The following IL31RA variants were observed in gnomAD, a reference collection of about 807,000 sequenced individuals.
The protein encoded by IL31RA is interleukin 31 receptor A.
A neutral mutation model predicts 83.7 loss-of-function variants in IL31RA; 66 were observed. The ratio of observed to expected loss-of-function variants is 0.79; its 90% CI spans 0.65 to 0.97. The LOEUF (loss-of-function observed/expected upper bound fraction) is 0.97. IL31RA is among the 50% of genes least tolerant of loss of function. The probability of loss-of-function intolerance (pLI) is 0.00; values close to 1 mark genes in which losing one functional copy is unlikely to be tolerated. For missense variants in IL31RA, 798 were observed against 919.4 expected, an observed-to-expected ratio of 0.87 and a Z score of 1.71; for synonymous variants, 325 against 329.0, an observed-to-expected ratio of 0.99 and a Z score of 0.13.
At chr5:55,884,713 G>A (rs1401011841) in intron 5 of IL31RA, among the ~76,000 whole-genome samples, 1 of 152,200 alleles carries the variant, frequency 6.6e-6, no homozygotes, top group Non-Finnish European at 1.5e-5. Flanking sequence ...GAGCCATCAT[G>A]AGCAGACACA....
intron 3 of IL31RA, among the ~76,000 whole-genome samples, chr5:55,871,330 C>T (rs1389724926): frequency 6.6e-6 from 1 of 152,168 alleles, no homozygotes; most frequent in South Asian, 2.1e-4. Flanking sequence ...TCTATGTCTC[C>T]CTGTATGTAT....
At chr5:55,887,714 G>A (rs112719055) in intron 5 of IL31RA, among the ~76,000 whole-genome samples, 11,734 of 151,996 alleles carry the variant, frequency 0.077, 774 homozygotes, top group African/African-American at 0.18. Flanking sequence ...GTGAAACCCC[G>A]TCCCTCTAAA....
At chr5:55,868,278 G>A (rs1266953822) in intron 2 of IL31RA, among the ~76,000 whole-genome samples, 1 of 152,148 alleles carries the variant, frequency 6.6e-6, no homozygotes, top group Non-Finnish European at 1.5e-5. Flanking sequence ...GCTATGGGGT[G>A]GGGAGCTCTC....
chr5:55,890,230 C>T, intron 6 of IL31RA, 95 bp downstream of exon 6: 1 of 1,236,400 alleles, frequency 8.1e-7, no homozygotes, highest in Non-Finnish European at 1.2e-6. Context: ...GGTTGGGAAT[C>T]ATGGAATCTC....
intron 5 of IL31RA, 130 bp downstream of exon 5, chr5:55,883,325 C>A: frequency 1.2e-6 from 1 of 867,090 alleles, no homozygotes; most frequent in Non-Finnish European, 1.8e-6. Context: ...TTGCTAAGTA[C>A]TTCTCCTTCC....
At chr5:55,874,126 T>C (rs1361638879) in intron 4 of IL31RA, among the ~76,000 whole-genome samples, 1 of 152,106 alleles carries the variant, frequency 6.6e-6, no homozygotes, top group Non-Finnish European at 1.5e-5. Flanking sequence ...TATCTCAGAA[T>C]CATTTGTTGA....
intron 5 of IL31RA, among the ~76,000 whole-genome samples, chr5:55,889,128 T>G (rs1340725502): frequency 6.6e-6 from 1 of 152,210 alleles, no homozygotes; most frequent in Non-Finnish European, 1.5e-5. Flanking sequence ...AACTTTAGGT[T>G]TATAAAGCTA....
chr5:55,897,105 C>T (rs1748451695), intron 7 of IL31RA, among the ~76,000 whole-genome samples: 1 of 133,188 alleles, frequency 7.5e-6, no homozygotes, highest in African/African-American at 2.8e-5. Flanking sequence ...CCACCTTAGC[C>T]TCCCAAAGCA....
intron 8 of IL31RA, among the ~76,000 whole-genome samples, chr5:55,904,209 G>A (rs760268321): frequency 6.6e-6 from 1 of 152,176 alleles, no homozygotes; most frequent in African/African-American, 2.4e-5. Context: ...CCTGTAACAG[G>A]TACAATCTGA....
At chr5:55,906,510 A>G (rs1749169529) in intron 9 of IL31RA, among the ~76,000 whole-genome samples, 1 of 152,196 alleles carries the variant, frequency 6.6e-6, no homozygotes. Flanking sequence ...ATCGATCTCC[A>G]GGTGGAAAAC....
chr5:55,883,046 A>G lies in IL31RA; in HGVS notation c.457A>G (p.Lys153Glu), dbSNP rs1747345065. The stretch of plus-strand genomic sequence containing the variant: ...AGTTGTATGATTTTTATTTTCAGCG[A>G]AAACTGAACCACCTAAGATTTTCCG... ...MTYWRLENIA[K>E]TEPPKIFRVK... Residue 153 changes from lysine to glutamate, a missense_variant and splice_region_variant, in exon 5 of 15, where the codon AAA becomes GAA. Coordinates refer to ENST00000652347, the MANE Select transcript of IL31RA (RefSeq NM_139017.7). The G allele has an allele frequency of 1.2e-6, 2 of 1,613,858 alleles. No individual in the cohort carries two copies. The highest frequency in any genetic ancestry group is 2.7e-5 in the African/African-American group (2 of 74,934).
At chr5:55,897,015 A>ATATATT (rs1413221761) in intron 7 of IL31RA, among the ~76,000 whole-genome samples, 1 of 842 alleles carries the variant, frequency 1.2e-3, no homozygotes, top group Admixed American at 0.029. Context: ...ATATATATAT[A>ATATATT]TTTTTTTTTT....
At chr5:55,861,430 A>T (rs1314182674) in intron 2 of IL31RA, among the ~76,000 whole-genome samples, 3 of 152,206 alleles carry the variant, frequency 2.0e-5, no homozygotes, top group Non-Finnish European at 4.4e-5. Flanking sequence ...TGGGAGCACG[A>T]ACCCTATTGT....
At chr5:55,861,184 G>C (rs1472414952) in intron 2 of IL31RA, among the ~76,000 whole-genome samples, 1 of 152,216 alleles carries the variant, frequency 6.6e-6, no homozygotes, top group Non-Finnish European at 1.5e-5. Context: ...CAAGAGGGCA[G>C]TCATGACCCA....
At chr5:55,857,553 T>C (rs1286610613) in intron 1 of IL31RA, among the ~76,000 whole-genome samples, 1 of 152,218 alleles carries the variant, frequency 6.6e-6, no homozygotes, top group East Asian at 1.9e-4. Flanking sequence ...CATTTCTCTT[T>C]TTAGATGCTC....
In IL31RA at chr5:55,922,225, T is replaced by C. The variant is rs573991757; in HGVS notation, c.*5105T>C. 2.0e-5 allele frequency among the ~76,000 whole-genome samples: 3 copies of C among 151,808 alleles called. No homozygotes were observed. The South Asian group carries it at 6.3e-4, about 32-fold the overall frequency. Reference sequence around the variant, plus strand: ...CAATAGCCCTTGACACAGAGCTCTATGCAGGGCTGTGCTGCCCAAGACGCT... The same window carrying C: ...CAATAGCCCTTGACACAGAGCTCTACGCAGGGCTGTGCTGCCCAAGACGCT... On this transcript the variant is annotated 3_prime_UTR_variant, in exon 15 of 15. Transcript: ENST00000652347.
Position 55,917,285 on chromosome 5 carries a change from C to T in IL31RA, c.*165C>T, listed in dbSNP as rs1416141976. On this transcript the variant is annotated 3_prime_UTR_variant, in exon 15 of 15. Transcript: ENST00000652347. ...CAGTTGAACTTGGTCGGCAAAGATG[C>T]GACCTTGTACTGGGAAGAAGGGATG... 4.1e-5 allele frequency: 63 copies of T among 1,529,842 alleles called. No individual in the cohort carries two copies. Among genetic ancestry groups the T allele is most frequent in the Non-Finnish European group, 4.9e-5 (56 of 1,145,224 alleles). 94.8% of individuals were successfully genotyped at this position (1,529,842 alleles called of 1,614,324 possible).
intron 7 of IL31RA, among the ~76,000 whole-genome samples, chr5:55,898,651 T>TA (rs1314264238): frequency 7.5e-6 from 1 of 134,174 alleles, no homozygotes; most frequent in Non-Finnish European, 1.6e-5. Context: ...AAAAAGATTT[T>TA]AAATAACATA....
rs1466853369 is a variant in IL31RA at position 55,903,840 on chromosome 5, G to A, written c.1070-2266G>A. Among the ~76,000 whole-genome samples the A allele has an allele frequency of 6.6e-6, 1 of 152,210 alleles. No individual in the cohort carries two copies. Among genetic ancestry groups the A allele is most frequent in the Admixed American group, 6.5e-5 (1 of 15,290 alleles). ...GCCAAAACGAAGCACTGCAGACTGG[G>A]GGGCTTCAAACAACAGAACTTTATT... On this transcript the variant is annotated intron_variant, in intron 8 of 14. Transcript: ENST00000652347. This position sits in a 1 kb window ranked among gnomAD's most constrained non-coding sequence, Gnocchi z 4.7.
Sources: gnomAD v4.1 joint callset for allele counts (sites outside exome capture counted in the v4.1 genomes callset) on GRCh38, gnomAD v4.1.1 for gene constraint, Gnocchi (gnomAD v3.1) non-coding constraint, MANE v1.5 for transcripts, NCBI Gene and HGNC (gene_info 2026-07-23, HGNC 2026-07-21) for gene names.